SLC2A9: variants seen among roughly 807,000 people sequenced by gnomAD.
SLC2A9 encodes solute carrier family 2 member 9.
In SLC2A9, 39 loss-of-function variants were observed where a neutral mutation model predicts 50.6. That is an observed-to-expected ratio of 0.77 (90% confidence interval 0.60 to 1.01). The LOEUF (loss-of-function observed/expected upper bound fraction) is 1.01. Ranked by LOEUF, SLC2A9 falls within the 50% of genes least tolerant of loss-of-function variation. The pLI is 0.00. For missense variants in SLC2A9, 686 were observed against 677.6 expected (o/e 1.01, Z -0.14); for synonymous variants, 324 against 276.9 (o/e 1.17, Z -1.69).
chr4:9,947,125 C>G (rs1028922440), intron 5 of SLC2A9, among the ~76,000 whole-genome samples: 1 of 152,164 alleles, frequency 6.6e-6, no homozygotes, highest in East Asian at 1.9e-4. Flanking sequence ...CCTCTAGGAA[C>G]CAAGTGTGTG....
chr4:9,976,936 T>C (rs73805434), intron 5 of SLC2A9, among the ~76,000 whole-genome samples: 161 of 152,346 alleles, frequency 1.1e-3, no homozygotes, highest in African/African-American at 3.7e-3. Context: ...ACCACCATTC[T>C]ATCTGGCTGA....
chr4:9,847,267 G>A (rs527362405), intron 10 of SLC2A9, among the ~76,000 whole-genome samples: 1 of 152,358 alleles, frequency 6.6e-6, no homozygotes, highest in East Asian at 1.9e-4. Flanking sequence ...GGAAAGGGAA[G>A]GGGAAGCAAG....
chr4:9,794,069 T>A (rs919192076), intron 3 of SLC2A9, among the ~76,000 whole-genome samples: 10 of 152,192 alleles, frequency 6.6e-5, no homozygotes, highest in Non-Finnish European at 1.3e-4. Context: ...ACATCTTGAG[T>A]GTAAAAAATG....
chr4:9,924,485 C>T (rs979029984), intron 6 of SLC2A9, among the ~76,000 whole-genome samples: 3 of 152,180 alleles, frequency 2.0e-5, no homozygotes, highest in Admixed American at 2.0e-4. Flanking sequence ...GGTGGGGTCC[C>T]AGTTGCCCAC....
rs145737040 is a variant in SLC2A9 at position 9,996,903 on chromosome 4, C to T, written c.288G>A (p.Arg96=). The T allele has an allele frequency of 1.4e-5, 22 of 1,614,022 alleles. No homozygotes were observed. The highest frequency in any genetic ancestry group is 1.8e-5 in the Non-Finnish European group (21 of 1,180,016). ...TGTCTGGGTCTATTGGACGTCCATG[C>T]CTTCTTTCCCATGACTCATTGTAAA... ...KAFYNESWER[R]HGRPIDPDTL... is the part of the protein sequence containing the mutation. Residue 96 remains arginine, a synonymous_variant, in exon 3 of 12, where the codon AGG becomes AGA. Transcript: ENST00000264784.
At chr4:10,020,516 A>G (rs1032793810) in intron 1 of SLC2A9, among the ~76,000 whole-genome samples, 16 of 152,206 alleles carry the variant, frequency 1.1e-4, no homozygotes, top group African/African-American at 3.9e-4. Context: ...ATTGAAATGT[A>G]GTACCAGAAT....
intron 5 of SLC2A9, among the ~76,000 whole-genome samples, chr4:9,977,035 T>C (rs1754917813): frequency 6.6e-6 from 1 of 152,090 alleles, no homozygotes; most frequent in Non-Finnish European, 1.5e-5. Context: ...CTCATCTGCC[T>C]CTCTCCATCC....
At chr4:9,982,624 A>G (rs1756067217) in intron 4 of SLC2A9, among the ~76,000 whole-genome samples, 1 of 152,218 alleles carries the variant, frequency 6.6e-6, no homozygotes, top group African/African-American at 2.4e-5. Flanking sequence ...AAACTGCCAA[A>G]CAGAGAATCT....
At chr4:10,033,709 C>G (rs1367853210) in intron 1 of SLC2A9, among the ~76,000 whole-genome samples, 1 of 152,238 alleles carries the variant, frequency 6.6e-6, no homozygotes, top group Non-Finnish European at 1.5e-5. Flanking sequence ...TGCTTACCCA[C>G]TCACTCAGCA....
At chr4:9,771,572 C>T (rs10939514) in intron 1 of SLC2A9, among the ~76,000 whole-genome samples, 142,987 of 152,314 alleles carry the variant, frequency 0.94, 67,279 homozygotes, top group Middle Eastern at 0.96. Context: ...ATCTATGCAA[C>T]ACATATCAAT....
chr4:9,826,746 G>A, intron 11 of SLC2A9, 146 bp from the exon 12 acceptor site: 1 of 762,166 alleles, frequency 1.3e-6, no homozygotes, highest in African/African-American at 1.7e-5. Context: ...GGCTCAATAA[G>A]GCAAGTGTAC....
intron 6 of SLC2A9, among the ~76,000 whole-genome samples, chr4:9,941,540 T>A (rs1035222548): frequency 8.6e-5 from 13 of 152,016 alleles, no homozygotes; most frequent in Non-Finnish European, 1.5e-4. Context: ...GGAGAAGAAG[T>A]GGAAGGAGGG....
chr4:10,027,555 G>A (rs1763795877), intron 1 of SLC2A9, among the ~76,000 whole-genome samples: 1 of 151,880 alleles, frequency 6.6e-6, no homozygotes, highest in South Asian at 2.1e-4. Context: ...CAACCTCCCG[G>A]CATCTTCAGT....
At chr4:9,862,694 C>G (rs528318512) in intron 10 of SLC2A9, among the ~76,000 whole-genome samples, 1 of 151,978 alleles carries the variant, frequency 6.6e-6, no homozygotes, top group Non-Finnish European at 1.5e-5. Flanking sequence ...CTGCCTGCAG[C>G]GCTAGCTTCT....
chr4:9,795,928 C>T (rs1375158311), downstream of SLC2A9, among the ~76,000 whole-genome samples: 1 of 152,166 alleles, frequency 6.6e-6, no homozygotes, highest in Non-Finnish European at 1.5e-5. Flanking sequence ...TGTTAAGCAC[C>T]TTGGAAACAC....
Position 9,782,728 on chromosome 4 carries a change from C to T in SLC2A9, n.386-2663G>A, listed in dbSNP as rs1367966143. ...ACGCCATCTCTTCCTCGCTCATCAG[C>T]TTCTACATCCCCGTTGCCATCATGA... On this transcript the variant is annotated intron_variant and non_coding_transcript_variant, in intron 3 of 3. Transcript: ENST00000503803. The T allele has an allele frequency of 3.7e-6, 6 of 1,613,924 alleles. No individual in the cohort carries two copies. In the Admixed American group the frequency reaches 6.7e-5, roughly 18 times the overall value.
chr4:9,984,342 A>T (rs533483152), intron 4 of SLC2A9, among the ~76,000 whole-genome samples: 1 of 152,316 alleles, frequency 6.6e-6, no homozygotes, highest in South Asian at 2.1e-4. Flanking sequence ...AGCTTTTAAG[A>T]CATCGACAAG....
intron 10 of SLC2A9, among the ~76,000 whole-genome samples, chr4:9,857,087 A>G (rs772961163): frequency 3.9e-4 from 60 of 152,176 alleles, no homozygotes; most frequent in Non-Finnish European, 7.1e-4. Flanking sequence ...TCAAACCTGC[A>G]CATGTACCCC....
intron 3 of SLC2A9, among the ~76,000 whole-genome samples, chr4:9,780,436 G>A (rs578256357): frequency 6.6e-6 from 1 of 152,156 alleles, no homozygotes; most frequent in African/African-American, 2.4e-5. Flanking sequence ...AAAGCACTGA[G>A]GGGGAAGGAG....
Sources: allele counts gnomAD v4.1 joint callset (sites outside exome capture counted in the v4.1 genomes callset), GRCh38; gene constraint gnomAD v4.1.1; transcripts MANE v1.5; gene names NCBI Gene and HGNC (gene_info 2026-07-23, HGNC 2026-07-21).